LYPLAL1: variants seen among roughly 807,000 people sequenced by gnomAD.
The protein encoded by LYPLAL1 is lysophospholipase like 1, also known as lysophospholipase-like protein 1.
In LYPLAL1, 23 loss-of-function variants were observed where a neutral mutation model predicts 19.7. The ratio of observed to expected loss-of-function variants is 1.17; its 90% confidence interval spans 0.84 to 1.65. The LOEUF (loss-of-function observed/expected upper bound fraction) is 1.65, where lower values mean the gene tolerates loss of function less well. Among genes scored for constraint, LYPLAL1 ranks in the 40% most tolerant of loss-of-function variants. The pLI is 0.00. For synonymous variants in LYPLAL1, 119 were observed against 96.3 expected (o/e 1.24, Z -1.38); for missense variants, 355 against 279.4 (o/e 1.27, Z -1.93).
chr1:219,233,048 G>A, the LYPLAL1 span, among the ~76,000 whole-genome samples: 2 of 152,040 alleles, frequency 1.3e-5, no homozygotes, highest in African/African-American at 2.4e-5. Context: ...ATTCAAAAAC[G>A]TTAAAAGCAG....
At chr1:219,224,651 CAT>C in the LYPLAL1 span, among the ~76,000 whole-genome samples, 1 of 152,100 alleles carries the variant, frequency 6.6e-6, no homozygotes, top group Admixed American at 6.6e-5. Flanking sequence ...GCTGAAAATT[CAT>C]ATAACATTCA....
the LYPLAL1 span, among the ~76,000 whole-genome samples, chr1:219,224,634 A>C: frequency 6.6e-6 from 1 of 152,180 alleles, no homozygotes; most frequent in Non-Finnish European, 1.5e-5. Context: ...GTTCAGAAAA[A>C]AATATGGCTG....
chr1:219,246,428 T>C, the LYPLAL1 span, among the ~76,000 whole-genome samples: 1 of 152,176 alleles, frequency 6.6e-6, no homozygotes, highest in Non-Finnish European at 1.5e-5. Context: ...GTCTGATTTC[T>C]CAAATGTATC....
chr1:219,378,952 A>G, the LYPLAL1 span, among the ~76,000 whole-genome samples: 9 of 152,230 alleles, frequency 5.9e-5, no homozygotes, highest in Admixed American at 1.3e-4. Flanking sequence ...TCACCATTAA[A>G]TGCTGATCTG....
chr1:219,251,968 TA>T, the LYPLAL1 span, among the ~76,000 whole-genome samples: 4 of 152,128 alleles, frequency 2.6e-5, 1 homozygote, highest in Admixed American at 2.0e-4. Context: ...CAGTGTTTTG[TA>T]ATTCTCATTG....
chr1:219,226,389 T>C, the LYPLAL1 span, among the ~76,000 whole-genome samples: 3 of 152,208 alleles, frequency 2.0e-5, no homozygotes, highest in Non-Finnish European at 4.4e-5. Flanking sequence ...ATTTTGTTTT[T>C]GACTATAAAA....
At chr1:219,260,467 G>A in the LYPLAL1 span, among the ~76,000 whole-genome samples, 1 of 151,382 alleles carries the variant, frequency 6.6e-6, no homozygotes, top group African/African-American at 2.4e-5. Context: ...CAAACAAATG[G>A]CAGTGAAATA....
rs1659082070 is a variant in LYPLAL1 at position 219,211,990 on chromosome 1, A to C, written c.*262A>C. 7.6e-6 allele frequency: 2 copies of C among 262,704 alleles called. No homozygotes were observed. Among genetic ancestry groups the C allele is most frequent in the Non-Finnish European group, 1.4e-5 (2 of 139,972 alleles). 16.3% of individuals were successfully genotyped at this position (262,704 alleles called of 1,614,324 possible). Reference sequence around the variant, plus strand: ...TTAAACTTTTAAATTTTTGAAATAAAGTATTCTAAACTAATATAAATAAGG... The same window carrying C: ...TTAAACTTTTAAATTTTTGAAATAACGTATTCTAAACTAATATAAATAAGG... On this transcript the variant is annotated 3_prime_UTR_variant, in exon 5 of 5. Coordinates refer to ENST00000366928, the MANE Select transcript of LYPLAL1 (RefSeq NM_138794.5).
At chr1:219,328,272 C>T in the LYPLAL1 span, among the ~76,000 whole-genome samples, 2 of 152,176 alleles carry the variant, frequency 1.3e-5, no homozygotes, top group Admixed American at 1.3e-4. Context: ...ATCCAGTTTT[C>T]TTGGCACTTT....
At position 219,212,470 on chromosome 1, in the gene LYPLAL1, G is replaced by C. The variant is rs546407339; in HGVS notation, c.*742G>C. 6.6e-6 allele frequency: 1 copy of C among 152,080 alleles called. No individual in the cohort carries two copies. Among genetic ancestry groups the C allele is most frequent in the Non-Finnish European group, 1.5e-5 (1 of 67,920 alleles). The allele number at this position is 152,080 out of a possible 1,614,324, so 9.4% of individuals were successfully genotyped here. A position where few individuals can be genotyped will look rare whatever the true frequency, so the allele number is the denominator to read the frequency against. ...TCAATAAAGATTAACCATAAGGAGAGTCATGATCTGGTTCCAGGAATACAT... is the reference window on the plus strand; with the variant it reads ...TCAATAAAGATTAACCATAAGGAGACTCATGATCTGGTTCCAGGAATACAT... On this transcript the variant is annotated 3_prime_UTR_variant, in exon 5 of 5. Transcript: ENST00000366928.
the LYPLAL1 span, among the ~76,000 whole-genome samples, chr1:219,339,133 C>T: frequency 6.6e-6 from 1 of 151,880 alleles, no homozygotes; most frequent in African/African-American, 2.4e-5. Flanking sequence ...TACACTGGGT[C>T]ATCCACGCTA....
chr1:219,199,552 C>T (rs1464136964), intron 3 of LYPLAL1, among the ~76,000 whole-genome samples: 8 of 151,802 alleles, frequency 5.3e-5, no homozygotes, highest in Non-Finnish European at 1.2e-4. Context: ...AAGCAATTCT[C>T]CTGTCTCAGC....
intron 3 of LYPLAL1, among the ~76,000 whole-genome samples, chr1:219,205,282 G>A (rs913559269): frequency 3.3e-5 from 5 of 150,192 alleles, no homozygotes; most frequent in Non-Finnish European, 7.4e-5. Context: ...GCGTGAACCC[G>A]GGAAGCGGAG....
At chr1:219,384,834 A>G in the LYPLAL1 span, among the ~76,000 whole-genome samples, 2 of 152,190 alleles carry the variant, frequency 1.3e-5, no homozygotes, top group African/African-American at 4.8e-5. Context: ...ATCAAACAGA[A>G]ATATATATAG....
the LYPLAL1 span, among the ~76,000 whole-genome samples, chr1:219,316,787 C>T: frequency 6.6e-6 from 1 of 152,068 alleles, no homozygotes; most frequent in Non-Finnish European, 1.5e-5. Context: ...TGAAATAAGC[C>T]AGTCGCAAAA....
chr1:219,337,553 G>A, the LYPLAL1 span, among the ~76,000 whole-genome samples: 1 of 151,944 alleles, frequency 6.6e-6, no homozygotes, highest in Non-Finnish European at 1.5e-5. Context: ...ACTAGCTATG[G>A]GCTGGTGTAC....
chr1:219,266,827 G>A, the LYPLAL1 span, among the ~76,000 whole-genome samples: 6 of 152,126 alleles, frequency 3.9e-5, no homozygotes, highest in Non-Finnish European at 8.8e-5. Context: ...TCATTATGCT[G>A]TGCATGACTA....
chr1:219,230,299 G>A, the LYPLAL1 span, among the ~76,000 whole-genome samples: 1 of 152,176 alleles, frequency 6.6e-6, no homozygotes, highest in Non-Finnish European at 1.5e-5. Context: ...TTTTAGTAGA[G>A]ACGGGGTTTC....
the LYPLAL1 span, among the ~76,000 whole-genome samples, chr1:219,411,184 T>C: frequency 8.2e-6 from 1 of 121,846 alleles, no homozygotes; most frequent in Non-Finnish European, 1.9e-5. Context: ...ATCAGCACCC[T>C]GTGTTTAGCT....
Sources: gnomAD v4.1 joint callset for allele counts (sites outside exome capture counted in the v4.1 genomes callset) on GRCh38, gnomAD v4.1.1 for gene constraint, MANE v1.5 for transcripts, NCBI Gene and HGNC (gene_info 2026-07-23, HGNC 2026-07-21) for gene names.